ERC2: variants seen among roughly 807,000 people sequenced by gnomAD.
The protein encoded by ERC2 is ELKS/RAB6-interacting/CAST family member 2.
Under a neutral mutation model 114.8 loss-of-function variants are expected in ERC2, and 42 were observed. The ratio of observed to expected loss-of-function variants is 0.37; its 90% CI spans 0.29 to 0.47. ERC2 has a LOEUF of 0.47. ERC2 is among the 20% of genes least tolerant of loss of function. The pLI is 0.99. For synonymous variants in ERC2, 454 were observed against 425.5 expected, an observed-to-expected ratio of 1.07 and a Z score of -0.82; for missense variants, 939 against 1,150.7, an observed-to-expected ratio of 0.82 and a Z score of 2.66.
chr3:55,544,846 C>T (rs1376838783), intron 17 of ERC2, among the ~76,000 whole-genome samples: 3 of 152,166 alleles, frequency 2.0e-5, no homozygotes, highest in Admixed American at 1.3e-4. Context: ...TCATCATATC[C>T]TCAAACAACA....
At chr3:55,942,319 C>G (rs1361145771) in intron 13 of ERC2, among the ~76,000 whole-genome samples, 55 of 107,080 alleles carry the variant, frequency 5.1e-4, no homozygotes, top group Non-Finnish European at 7.8e-4. Flanking sequence ...GACGGAGTCT[C>G]GCTCTGTCGC....
At chr3:56,054,398 T>C (rs1331215989) in intron 7 of ERC2, among the ~76,000 whole-genome samples, 1 of 152,232 alleles carries the variant, frequency 6.6e-6, no homozygotes, top group Non-Finnish European at 1.5e-5. Context: ...AATTTTGAGA[T>C]AACATATGAA....
At chr3:56,289,272 C>T (rs968570497) in intron 3 of ERC2, among the ~76,000 whole-genome samples, 2 of 152,170 alleles carry the variant, frequency 1.3e-5, no homozygotes, top group African/African-American at 4.8e-5. Flanking sequence ...TTGTCAAGGT[C>T]CTGCCTACAG....
At chr3:55,844,645 G>A (rs181714127) in intron 14 of ERC2, among the ~76,000 whole-genome samples, 1 of 152,042 alleles carries the variant, frequency 6.6e-6, no homozygotes, top group Non-Finnish European at 1.5e-5. Context: ...AATGTACAAA[G>A]GTGAAGTCAT....
intron 2 of ERC2, among the ~76,000 whole-genome samples, chr3:56,370,742 G>A (rs1461140285): frequency 6.6e-6 from 1 of 151,812 alleles, no homozygotes; most frequent in African/African-American, 2.4e-5. Context: ...TTACAGGCAT[G>A]CACCACCACA....
chr3:55,556,698 A>G (rs1195724540), intron 17 of ERC2, among the ~76,000 whole-genome samples: 1 of 152,214 alleles, frequency 6.6e-6, no homozygotes, highest in Admixed American at 6.5e-5. Context: ...GCAGGACAGG[A>G]GAGACTCAGG....
At chr3:55,772,117 C>T (rs1219208767) in intron 14 of ERC2, among the ~76,000 whole-genome samples, 4 of 152,106 alleles carry the variant, frequency 2.6e-5, no homozygotes, top group African/African-American at 9.7e-5. Context: ...GCATTAATAC[C>T]TATTCTTAGA....
intron 3 of ERC2, among the ~76,000 whole-genome samples, chr3:56,188,228 G>A (rs993473411): frequency 1.3e-5 from 2 of 152,144 alleles, no homozygotes; most frequent in African/African-American, 4.8e-5. Context: ...GAAAGCCTCT[G>A]GCTCTCCATC....
chr3:55,671,957 T>C (rs2061578725), intron 17 of ERC2, among the ~76,000 whole-genome samples: 2 of 152,208 alleles, frequency 1.3e-5, no homozygotes, highest in South Asian at 4.1e-4. Context: ...TATTGAAGGC[T>C]CTGAGAAGGC....
chr3:55,919,886 G>T (rs752555519), intron 13 of ERC2, among the ~76,000 whole-genome samples: 1 of 152,274 alleles, frequency 6.6e-6, no homozygotes, highest in East Asian at 1.9e-4. Flanking sequence ...TGCGTTCAAG[G>T]AATAAGGAGG....
chr3:56,020,830 G>C (rs192918923), intron 7 of ERC2, among the ~76,000 whole-genome samples: 2 of 152,274 alleles, frequency 1.3e-5, no homozygotes, highest in East Asian at 1.9e-4. Context: ...TTGGGCACGA[G>C]AAATAGAGAC....
chr3:55,940,420 CA>C (rs2066715254), intron 13 of ERC2, among the ~76,000 whole-genome samples: 1 of 152,068 alleles, frequency 6.6e-6, no homozygotes, highest in Non-Finnish European at 1.5e-5. Context: ...ACCTGAGGTC[CA>C]AAAGGCCTTC....
chr3:55,716,486 T>A (rs1243101321), intron 15 of ERC2, among the ~76,000 whole-genome samples: 3 of 152,194 alleles, frequency 2.0e-5, no homozygotes, highest in Middle Eastern at 3.2e-3. Context: ...ATGGTCAAAG[T>A]TAAGCCACTT....
At chr3:55,567,542 G>A (rs1190682211) in intron 17 of ERC2, among the ~76,000 whole-genome samples, 2 of 152,134 alleles carry the variant, frequency 1.3e-5, no homozygotes, top group Non-Finnish European at 2.9e-5. Flanking sequence ...TAGAGACTAC[G>A]GTGGAAGCAG....
intron 15 of ERC2, among the ~76,000 whole-genome samples, chr3:55,709,650 C>T (rs892662679): frequency 2.0e-5 from 3 of 152,200 alleles, no homozygotes; most frequent in African/African-American, 7.2e-5. Flanking sequence ...GCAATCTGGG[C>T]CTGCTCCCAG....
intron 3 of ERC2, among the ~76,000 whole-genome samples, chr3:56,198,116 GA>G (rs2150087124): frequency 6.6e-6 from 1 of 152,288 alleles, no homozygotes; most frequent in African/African-American, 2.4e-5. Flanking sequence ...GCCAAGGCAA[GA>G]AAAAGGGAAA....
intron 3 of ERC2, among the ~76,000 whole-genome samples, chr3:56,253,051 T>G (rs2052282199): frequency 6.6e-6 from 1 of 152,160 alleles, no homozygotes; most frequent in Non-Finnish European, 1.5e-5. Flanking sequence ...CCACATCTTC[T>G]AGGGACAGCA....
At chr3:55,883,539 TACACACACAC>T (rs34468467) in intron 14 of ERC2, among the ~76,000 whole-genome samples, 13,821 of 143,912 alleles carry the variant, frequency 0.096, 694 homozygotes, top group South Asian at 0.17. Flanking sequence ...TAATTAAACA[TACACACACAC>T]ACACACACAC....
intron 14 of ERC2, among the ~76,000 whole-genome samples, chr3:55,779,327 CA>C (rs60185894): frequency 0.16 from 10,022 of 62,356 alleles, 330 homozygotes; most frequent in South Asian, 0.29. Flanking sequence ...ACTAAAAATA[CA>C]AAAAAAAAAA....
Sources: gnomAD v4.1 joint callset for allele counts (sites outside exome capture counted in the v4.1 genomes callset) on GRCh38, gnomAD v4.1.1 for gene constraint, MANE v1.5 for transcripts, NCBI Gene and HGNC (gene_info 2026-07-23, HGNC 2026-07-21) for gene names.